The following VPS13B variants were observed in gnomAD, a reference collection of about 807,000 sequenced individuals.
VPS13B encodes the protein intermembrane lipid transfer protein VPS13B.
In VPS13B, 285 loss-of-function variants were observed where a neutral mutation model predicts 426.4. That is an observed-to-expected ratio of 0.67 (90% CI 0.61 to 0.74). The LOEUF (loss-of-function observed/expected upper bound fraction) is 0.74, where lower values mean the gene tolerates loss of function less well. VPS13B is among the 30% of genes least tolerant of loss of function. VPS13B has a pLI of 0.00. For missense variants in VPS13B, 4,537 were observed against 4,782.6 expected (o/e 0.95, Z 1.51); for synonymous variants, 1,676 against 1,676.4 (o/e 1.00, Z 0.01).
intron 26 of VPS13B, among the ~76,000 whole-genome samples, 164 bp from the exon 27 acceptor site, chr8:99,502,671 TA>T (rs757916221): frequency 1.5e-4 from 23 of 152,360 alleles, no homozygotes; most frequent in Non-Finnish European, 3.2e-4. Flanking sequence ...TGTCTTATCT[TA>T]ATAAACAGGC....
chr8:99,078,105 T>A (rs1384028584), intron 3 of VPS13B, among the ~76,000 whole-genome samples: 1 of 152,030 alleles, frequency 6.6e-6, no homozygotes, highest in African/African-American at 2.4e-5. Flanking sequence ...GTATTATTTA[T>A]GTGTTTTCTC....
At chr8:99,295,947 C>G (rs1820012111) in intron 19 of VPS13B, among the ~76,000 whole-genome samples, 1 of 152,086 alleles carries the variant, frequency 6.6e-6, no homozygotes, top group South Asian at 2.1e-4. Context: ...ATGGAAGGAG[C>G]ACTTGAACTC....
chr8:99,583,048 A>G (rs1368929087), intron 33 of VPS13B, among the ~76,000 whole-genome samples: 2 of 152,194 alleles, frequency 1.3e-5, no homozygotes, highest in Non-Finnish European at 2.9e-5. Context: ...TGGCTCTACC[A>G]TAATTCCTCG....
intron 61 of VPS13B, among the ~76,000 whole-genome samples, chr8:99,872,518 A>C (rs542028057): frequency 6.6e-6 from 1 of 152,324 alleles, no homozygotes; most frequent in East Asian, 1.9e-4. Flanking sequence ...GGGGAGCCCC[A>C]ACCAGACAGA....
chr8:99,561,760 C>A (rs1824933824), intron 31 of VPS13B, among the ~76,000 whole-genome samples: 1 of 152,160 alleles, frequency 6.6e-6, no homozygotes, highest in Admixed American at 6.5e-5. Context: ...ATGAGTTTGT[C>A]AGGATGGAAC....
intron 40 of VPS13B, among the ~76,000 whole-genome samples, chr8:99,773,340 A>T (rs1379210882): frequency 6.6e-6 from 1 of 152,150 alleles, no homozygotes; most frequent in Non-Finnish European, 1.5e-5. Flanking sequence ...TCATGTCTTA[A>T]TCTCTATGCT....
chr8:99,295,453 A>T (rs954748658), intron 19 of VPS13B, among the ~76,000 whole-genome samples: 1 of 152,210 alleles, frequency 6.6e-6, no homozygotes, highest in Non-Finnish European at 1.5e-5. Flanking sequence ...AAACTCCTTG[A>T]CTTATGATGT....
chr8:99,352,544 A>G (rs186152595), intron 19 of VPS13B, among the ~76,000 whole-genome samples: 3 of 152,350 alleles, frequency 2.0e-5, no homozygotes, highest in African/African-American at 7.2e-5. Context: ...AAGTAAAAGA[A>G]AATACCTGGC....
chr8:99,066,734 A>C (rs1177960975), intron 3 of VPS13B, among the ~76,000 whole-genome samples: 1 of 152,234 alleles, frequency 6.6e-6, no homozygotes, highest in Non-Finnish European at 1.5e-5. Flanking sequence ...AATAGGAGAA[A>C]ATTTTTGCAA....
chr8:99,059,432 T>A (rs1034060400), intron 3 of VPS13B, among the ~76,000 whole-genome samples: 2 of 152,148 alleles, frequency 1.3e-5, no homozygotes, highest in Non-Finnish European at 2.9e-5. Flanking sequence ...CACCTTGGCC[T>A]CCCAAACTGC....
intron 19 of VPS13B, among the ~76,000 whole-genome samples, chr8:99,373,083 A>G (rs372477291): frequency 3.3e-5 from 5 of 152,220 alleles, no homozygotes; most frequent in Non-Finnish European, 5.9e-5. Context: ...CAAACACTGC[A>G]TATTCTCACT....
At chr8:99,774,023 A>G (rs1338174193) in intron 40 of VPS13B, among the ~76,000 whole-genome samples, 3 of 152,146 alleles carry the variant, frequency 2.0e-5, no homozygotes, top group Non-Finnish European at 4.4e-5. Flanking sequence ...ATTTAGTCCT[A>G]TTGTACTTAG....
Position 99,429,360 on chromosome 8 carries a change from T to C in VPS13B, c.3083-2177T>C, listed in dbSNP as rs142741428. Among the ~76,000 whole-genome samples, 266 of 152,326 alleles carry C rather than the reference T, an allele frequency of 1.7e-3. 1 individual carries two copies. The highest frequency in any genetic ancestry group is 6.3e-3 in the African/African-American group (260 of 41,576). On this transcript the variant is annotated intron_variant, in intron 21 of 61. Transcript: ENST00000357162. Reference sequence around the variant, plus strand: ...AGGATATCTGATATCTTAATTTTTATTTCTTTGTTAGCAATGTTGAGCATT... The same window carrying C: ...AGGATATCTGATATCTTAATTTTTACTTCTTTGTTAGCAATGTTGAGCATT...
intron 30 of VPS13B, among the ~76,000 whole-genome samples, chr8:99,533,686 A>C (rs1274595640): frequency 6.6e-6 from 1 of 152,210 alleles, no homozygotes; most frequent in Non-Finnish European, 1.5e-5. Context: ...ATGCTTCAAC[A>C]CATTGTGTTT....
Position 99,875,488 on chromosome 8 carries a change from CTTG to C in VPS13B, c.11818_11820del (p.Cys3940del). 1 of 1,614,162 alleles carries C rather than the reference CTTG, an allele frequency of 6.2e-7. No homozygotes were observed. Among genetic ancestry groups the C allele is most frequent in the Non-Finnish European group, 8.5e-7 (1 of 1,180,028 alleles). On this transcript the variant is annotated inframe_deletion, in exon 62 of 62. Coordinates refer to ENST00000357162, the MANE Select transcript of VPS13B (RefSeq NM_152564.5). ...CTGGTGGACTACATCACAAAGACAT[CTTG>C]TCACCTGGCCCCCAGCTGTTCTTCC... is the stretch of plus-strand genomic sequence containing the variant.
chr8:99,169,596 C>A (rs144020302), intron 15 of VPS13B, among the ~76,000 whole-genome samples: 1 of 151,590 alleles, frequency 6.6e-6, no homozygotes, highest in Non-Finnish European at 1.5e-5. Flanking sequence ...AAGGTGAAGA[C>A]AAAATACATT....
chr8:99,146,464 G>T (rs1422524180), intron 13 of VPS13B, among the ~76,000 whole-genome samples: 2 of 152,136 alleles, frequency 1.3e-5, no homozygotes, highest in African/African-American at 4.8e-5. Flanking sequence ...TTATATTGGA[G>T]GGAGAAGTTA....
intron 8 of VPS13B, among the ~76,000 whole-genome samples, chr8:99,125,906 G>A (rs921737165): frequency 2.0e-5 from 3 of 152,056 alleles, no homozygotes; most frequent in South Asian, 4.1e-4. Context: ...GAAATAGCTG[G>A]TTGGGGTTGT....
intron 7 of VPS13B, among the ~76,000 whole-genome samples, chr8:99,116,529 G>A (rs1847661876): frequency 6.6e-6 from 1 of 152,128 alleles, no homozygotes; most frequent in African/African-American, 2.4e-5. Flanking sequence ...GACCTCCCAG[G>A]CTCAGGTGAT....
Sources: gnomAD v4.1 joint callset for allele counts (sites outside exome capture counted in the v4.1 genomes callset) on GRCh38, gnomAD v4.1.1 for gene constraint, MANE v1.5 for transcripts, NCBI Gene and HGNC (gene_info 2026-07-23, HGNC 2026-07-21) for gene names.